The following DCDC2B variants were observed in gnomAD, a reference collection of about 807,000 sequenced individuals.
DCDC2B encodes the protein doublecortin domain containing 2B, also known as doublecortin domain-containing protein 2B.
DCDC2B carries 41 observed loss-of-function variants against 38.9 expected under a neutral mutation model. That is an observed-to-expected ratio of 1.05 (90% CI 0.82 to 1.37). DCDC2B has a LOEUF of 1.37. DCDC2B is among the 40% of genes most tolerant of loss of function. DCDC2B has a pLI of 0.00. For synonymous variants in DCDC2B, 181 were observed against 171.9 expected (o/e 1.05, Z -0.41); for missense variants, 453 against 427.2 (o/e 1.06, Z -0.53).
intron 1 of DCDC2B, 22 bp from the exon 2 acceptor site, chr1:32,211,250 T>A (rs949999383): frequency 1.2e-6 from 2 of 1,612,928 alleles, no homozygotes; most frequent in African/African-American, 2.7e-5. Flanking sequence ...CAAGATGACC[T>A]GTGATCTATC....
rs149829527 is a variant in DCDC2B, at chr1:32,209,185, G to A, written c.92G>A (p.Arg31His). ...GGCTCCCAGCTGGTGGTGACTCAACGCCGCTTCCCCACCATGGAGGCCTTC... is the reference window on the plus strand; with the variant it reads ...GGCTCCCAGCTGGTGGTGACTCAACACCGCTTCCCCACCATGGAGGCCTTC... The part of the protein sequence containing the change: ...FPGSQLVVTQ[R>H]RFPTMEAFLC... The change falls in exon 1 of 9, where the codon CGC becomes CAC. Residue 31 changes from arginine (R) to histidine (H), a missense_variant. Transcript: ENST00000409358. 92 of 1,614,000 alleles carry A rather than the reference G, an allele frequency of 5.7e-5. 2 individuals are homozygous for A. In the East Asian group the frequency reaches 1.8e-3, roughly 31 times the overall value.
In DCDC2B at chr1:32,212,608, C is replaced by A; in HGVS notation, c.646C>A (p.Pro216Thr). The A allele has an allele frequency of 6.2e-7, 1 of 1,614,016 alleles. No homozygotes were observed. The highest frequency in any genetic ancestry group is 8.5e-7 in the Non-Finnish European group (1 of 1,179,892). Residue 216 changes from proline to threonine, a missense_variant, in exon 5 of 9, where the codon CCC (proline) becomes ACC (threonine). Transcript: ENST00000409358. Reference protein sequence around the residue: ...KDLPYLELLVPSPSLPRGCWQ... With the variant: ...KDLPYLELLVTSPSLPRGCWQ... ...CCTTCCCTATCTGGAGCTGCTGGTGCCCAGCCCCTCCCTGCCCAGGGGCTG... is the reference window on the plus strand; with the variant it reads ...CCTTCCCTATCTGGAGCTGCTGGTGACCAGCCCCTCCCTGCCCAGGGGCTG...
chr1:32,212,522 C>G lies in DCDC2B; in HGVS notation c.560C>G (p.Ala187Gly). The G allele has an allele frequency of 1.2e-6, 2 of 1,614,034 alleles. No homozygotes were observed. The highest frequency in any genetic ancestry group is 1.7e-6 in the Non-Finnish European group (2 of 1,179,894). ...LCTLEGLPLSAGKELVTGHYY... is the reference protein window; with the variant it reads ...LCTLEGLPLSGGKELVTGHYY... Reference sequence around the variant, plus strand: ...ACCCTAGAGGGGCTCCCACTGTCAGCAGGGAAGGAGCTGGTAACTGGCCAT... The same window carrying G: ...ACCCTAGAGGGGCTCCCACTGTCAGGAGGGAAGGAGCTGGTAACTGGCCAT... Residue 187 changes from alanine to glycine, a missense_variant, in exon 5 of 9, where the codon GCA becomes GGA. Ala to Gly is a moderately conservative substitution (Grantham distance 60, BLOSUM62 0). Transcript: ENST00000409358.
In DCDC2B at chr1:32,212,795, T is replaced by C; in HGVS notation, c.714+2T>C. 6.2e-7 allele frequency: 1 copy of C among 1,613,182 alleles called. No individual in the cohort carries two copies. Among genetic ancestry groups the C allele is most frequent in the Non-Finnish European group, 8.5e-7 (1 of 1,179,766 alleles). ...AAGTCTAGGCCCCACAGGCAGGGGG[T>C]AGGTGACGCAGGGGACAATGAGGGG... On this transcript the variant is annotated splice_donor_variant, in intron 6 of 8. Transcript: ENST00000409358. LOFTEE classifies it high-confidence loss of function.
intron 6 of DCDC2B, 150 bp downstream of exon 6, chr1:32,212,943 T>C: frequency 1.0e-6 from 1 of 991,812 alleles, no homozygotes; most frequent in Non-Finnish European, 1.5e-6. Flanking sequence ...CAGGCTGGAG[T>C]GCAGTGGCAG....
intron 7 of DCDC2B, 86 bp from the exon 8 acceptor site, chr1:32,215,354 G>T: frequency 1.7e-6 from 2 of 1,156,732 alleles, no homozygotes; most frequent in Non-Finnish European, 2.4e-6. Context: ...TTCAGGGGAG[G>T]GAAAGGGGCT....
Position 32,215,797 on chromosome 1 carries a change from T to C in DCDC2B, c.955-5T>C, listed in dbSNP as rs773301016. ...CCATTCTGTATGGCCTTCCACCTCC[T>C]GCAGAGGGCAGCACAGATAGTGGAA... On this transcript the variant is annotated splice_polypyrimidine_tract_variant and splice_region_variant and intron_variant, in intron 8 of 8. Coordinates refer to ENST00000409358, the MANE Select transcript of DCDC2B (RefSeq NM_001099434.2). The C allele has an allele frequency of 3.2e-6, 5 of 1,549,862 alleles. No individual in the cohort carries two copies. Among genetic ancestry groups the C allele is most frequent in the Middle Eastern group, 3.3e-4 (2 of 5,974 alleles).
At chr1:32,215,657 TCTC>T in intron 8 of DCDC2B, 114 bp downstream of exon 8, 1 of 1,117,150 alleles carries the variant, frequency 9.0e-7, no homozygotes, top group East Asian at 2.6e-5. Context: ...AAGTAAATGA[TCTC>T]CTAACTTCCT....
chr1:32,214,789 T>G lies in DCDC2B; in HGVS notation c.715-8T>G. ...AATCAGGGTCCAAGCCCAGTGTCCC[T>G]TCTCTAGGCCCAAGGCCACAGGGCC... On this transcript the variant is annotated splice_polypyrimidine_tract_variant and splice_region_variant and intron_variant, in intron 6 of 8. Transcript: ENST00000409358. The G allele has an allele frequency of 6.2e-7, 1 of 1,613,888 alleles. No homozygotes were observed. Among genetic ancestry groups the G allele is most frequent in the Non-Finnish European group, 8.5e-7 (1 of 1,179,834 alleles).
At chr1:32,212,913 C>G in intron 6 of DCDC2B, 120 bp downstream of exon 6, 1 of 1,236,206 alleles carries the variant, frequency 8.1e-7, no homozygotes, top group Non-Finnish European at 1.1e-6. Context: ...TTCTTTGAGA[C>G]AGAGTCTTGC....
chr1:32,212,508 G>A lies in DCDC2B; in HGVS notation c.546G>A (p.Gly182=). The stretch of plus-strand genomic sequence containing the variant: ...CTCCCAGACTCTGCACCCTAGAGGG[G>A]CTCCCACTGTCAGCAGGGAAGGAGC... ...GAVCKLCTLE[G]LPLSAGKELV... The change falls in exon 5 of 9, where the codon GGG becomes GGA. Residue 182 remains glycine, a synonymous_variant. Coordinates refer to ENST00000409358, the MANE Select transcript of DCDC2B (RefSeq NM_001099434.2). 1 of 1,614,048 alleles carries A rather than the reference G, an allele frequency of 6.2e-7. No individual in the cohort carries two copies. Among genetic ancestry groups the A allele is most frequent in the South Asian group, 1.1e-5 (1 of 91,086 alleles).
chr1:32,211,491 T>C (rs918453312), intron 2 of DCDC2B, among the ~76,000 whole-genome samples, 168 bp downstream of exon 2: 3 of 152,204 alleles, frequency 2.0e-5, no homozygotes, highest in Non-Finnish European at 4.4e-5. Flanking sequence ...CAAGACACTA[T>C]TTCTTGCTTC....
Position 32,211,259 on chromosome 1 carries a change from T to G in DCDC2B, c.267-13T>G, listed in dbSNP as rs372581183. 1.1e-5 allele frequency: 17 copies of G among 1,613,656 alleles called. No individual in the cohort carries two copies. The highest frequency in any genetic ancestry group is 1.4e-5 in the Non-Finnish European group (16 of 1,179,686). ...TCTCCACAAGATGACCTGTGATCTA[T>G]CTGTCCTTTCAGCTATTTACCCCAT... On this transcript the variant is annotated splice_polypyrimidine_tract_variant and intron_variant, in intron 1 of 8. Coordinates refer to ENST00000409358, the MANE Select transcript of DCDC2B (RefSeq NM_001099434.2).
intron 1 of DCDC2B, among the ~76,000 whole-genome samples, chr1:32,210,976 G>T (rs561221670): frequency 6.6e-6 from 1 of 152,308 alleles, no homozygotes; most frequent in Non-Finnish European, 1.5e-5. Context: ...AAAGAGCTGG[G>T]ATTACAGGCG....
chr1:32,211,434 G>T, intron 2 of DCDC2B, 111 bp downstream of exon 2: 1 of 1,134,474 alleles, frequency 8.8e-7, no homozygotes. Flanking sequence ...CCAGTTCCAG[G>T]GGGGTACTTT....
chr1:32,214,714 G>C, intron 6 of DCDC2B, 83 bp from the exon 7 acceptor site: 6 of 1,570,684 alleles, frequency 3.8e-6, no homozygotes, highest in Non-Finnish European at 5.2e-6. Flanking sequence ...CAGGCGTCAG[G>C]GGCTCTCTGA....
At chr1:32,212,342 C>T (rs1643622065) in intron 4 of DCDC2B, 141 bp downstream of exon 4, 8 of 1,522,210 alleles carry the variant, frequency 5.3e-6, no homozygotes, top group Non-Finnish European at 7.1e-6. Context: ...GGAGAGGGCC[C>T]TCTGCCCAGC....
rs758437536 is a variant in DCDC2B, at chr1:32,209,365, T to C, written c.266+6T>C. On this transcript the variant is annotated splice_donor_region_variant and intron_variant, in intron 1 of 8. Transcript: ENST00000409358. ...GAACGATTCCACAAGCTCCAGTGAG[T>C]GGGCTGGGGCTGGTCAAACAGCCTA... The C allele has an allele frequency of 4.3e-6, 7 of 1,613,494 alleles. No homozygotes were observed. The highest frequency in any genetic ancestry group is 1.6e-4 in the Middle Eastern group (1 of 6,062).
chr1:32,213,390 G>A (rs1053009659), intron 6 of DCDC2B, among the ~76,000 whole-genome samples: 1 of 149,578 alleles, frequency 6.7e-6, no homozygotes, highest in African/African-American at 2.5e-5. Context: ...AGGCTGGAGT[G>A]CAATAGCACA....
Sources: gnomAD v4.1 joint callset for allele counts (sites outside exome capture counted in the v4.1 genomes callset) on GRCh38, gnomAD v4.1.1 for gene constraint, MANE v1.5 for transcripts, NCBI Gene and HGNC (gene_info 2026-07-23, HGNC 2026-07-21) for gene names.